DCDC1: variants seen among roughly 807,000 people sequenced by gnomAD.
DCDC1 encodes the protein doublecortin domain containing 1, also known as doublecortin domain-containing protein 1.
DCDC1 carries 200 observed loss-of-function variants against 178.3 expected under a neutral mutation model. That is an observed-to-expected ratio of 1.12 (90% CI 1.00 to 1.26). The LOEUF (loss-of-function observed/expected upper bound fraction) is 1.26. Among genes scored for constraint, DCDC1 ranks in the 50% most tolerant of loss-of-function variants. The pLI is 0.00. For missense variants in DCDC1, 1,983 were observed against 1,749.2 expected, an observed-to-expected ratio of 1.13 and a Z score of -2.38; for synonymous variants, 690 against 604.8, an observed-to-expected ratio of 1.14 and a Z score of -2.07.
chr11:31,277,316 C>G (rs1233610365), intron 7 of DCDC1, among the ~76,000 whole-genome samples: 1 of 151,982 alleles, frequency 6.6e-6, no homozygotes, highest in African/African-American at 2.4e-5. Context: ...AATGTTTTAT[C>G]CATTCACAGG....
chr11:31,114,495 T>C (rs767535942), intron 11 of DCDC1, among the ~76,000 whole-genome samples: 41 of 152,198 alleles, frequency 2.7e-4, no homozygotes, highest in Non-Finnish European at 2.6e-4. Context: ...CTGGTCATCA[T>C]ATGAAATGGG....
At chr11:31,034,143 C>A (rs200696686) in intron 20 of DCDC1, among the ~76,000 whole-genome samples, 3,313 of 100,906 alleles carry the variant, frequency 0.033, no homozygotes, top group East Asian at 0.037. Flanking sequence ...GGCTCTGTCT[C>A]AAAAAAAAAA....
intron 1 of DCDC1, among the ~76,000 whole-genome samples, chr11:31,355,054 G>A (rs1294933862): frequency 6.6e-6 from 1 of 152,002 alleles, no homozygotes; most frequent in African/African-American, 2.4e-5. Flanking sequence ...GAAATTTTGA[G>A]GGAACAAGGA....
intron 20 of DCDC1, among the ~76,000 whole-genome samples, chr11:30,979,402 G>C (rs1950270260): frequency 6.6e-6 from 1 of 152,146 alleles, no homozygotes; most frequent in African/African-American, 2.4e-5. Context: ...TTTACTAGTT[G>C]CATAAATCTT....
At chr11:30,865,418 A>G (rs1180960546) in intron 38 of DCDC1, 86 bp from the exon 39 acceptor site, 3 of 152,836 alleles carry the variant, frequency 2.0e-5, no homozygotes, top group Non-Finnish European at 4.4e-5. Flanking sequence ...ATACACACAT[A>G]GTATATATGA....
chr11:30,921,720 T>A (rs1946258982), intron 24 of DCDC1, among the ~76,000 whole-genome samples: 1 of 152,154 alleles, frequency 6.6e-6, no homozygotes, highest in Non-Finnish European at 1.5e-5. Flanking sequence ...ACTTTGGGTA[T>A]CTTAGTTAAA....
At chr11:31,253,126 G>T (rs1358859209) in intron 8 of DCDC1, among the ~76,000 whole-genome samples, 3 of 152,052 alleles carry the variant, frequency 2.0e-5, no homozygotes. Flanking sequence ...TTAAGCATGA[G>T]AACTACCAAC....
intron 20 of DCDC1, among the ~76,000 whole-genome samples, chr11:30,975,068 A>G (rs895061362): frequency 6.6e-6 from 1 of 152,154 alleles, no homozygotes; most frequent in Non-Finnish European, 1.5e-5. Flanking sequence ...ATGGTTCAAC[A>G]TGCACAAATC....
At chr11:30,999,046 C>T (rs949123764) in intron 20 of DCDC1, among the ~76,000 whole-genome samples, 7 of 152,132 alleles carry the variant, frequency 4.6e-5, no homozygotes, top group African/African-American at 1.4e-4. Flanking sequence ...TTTCCAAATC[C>T]CAATTCAGGA....
At chr11:31,105,988 G>T (rs1203954402) in intron 13 of DCDC1, among the ~76,000 whole-genome samples, 1 of 152,164 alleles carries the variant, frequency 6.6e-6, no homozygotes, top group Non-Finnish European at 1.5e-5. Context: ...GTGTGTTTAA[G>T]TTTCCTGACA....
chr11:31,339,798 T>C (rs912628505), intron 1 of DCDC1, among the ~76,000 whole-genome samples: 2 of 152,222 alleles, frequency 1.3e-5, no homozygotes, highest in Non-Finnish European at 2.9e-5. Flanking sequence ...AAATTTTCAA[T>C]GTTAATTCTT....
intron 20 of DCDC1, among the ~76,000 whole-genome samples, chr11:31,053,333 T>C (rs923478368): frequency 2.6e-5 from 4 of 152,046 alleles, no homozygotes; most frequent in Non-Finnish European, 5.9e-5. Context: ...ATTGAAATGG[T>C]AATTTAAAAA....
intron 38 of DCDC1, among the ~76,000 whole-genome samples, chr11:30,874,104 C>T (rs1380357282): frequency 1.3e-5 from 2 of 152,136 alleles, no homozygotes; most frequent in Non-Finnish European, 2.9e-5. Context: ...TCTTCATAGC[C>T]CCTGAATACA....
At chr11:30,948,575 G>A (rs1015186315) in intron 21 of DCDC1, among the ~76,000 whole-genome samples, 12 of 152,102 alleles carry the variant, frequency 7.9e-5, no homozygotes, top group East Asian at 1.9e-4. Flanking sequence ...GAACAAAGCT[G>A]GAGGCATCAT....
chr11:30,921,398 T>C (rs956414973), intron 24 of DCDC1, among the ~76,000 whole-genome samples: 4 of 152,198 alleles, frequency 2.6e-5, no homozygotes, highest in Admixed American at 6.5e-5. Flanking sequence ...TTTGTCCTGG[T>C]TCCTGGAGAA....
chr11:31,250,666 T>C (rs1255303717), intron 8 of DCDC1, among the ~76,000 whole-genome samples: 1 of 151,746 alleles, frequency 6.6e-6, no homozygotes, highest in Admixed American at 6.6e-5. Flanking sequence ...CTAGGCATTT[T>C]TAGAGCACCC....
At chr11:31,351,602 A>G (rs548295514) in intron 1 of DCDC1, among the ~76,000 whole-genome samples, 3 of 152,264 alleles carry the variant, frequency 2.0e-5, no homozygotes, top group African/African-American at 7.2e-5. Context: ...AATTTTCCAA[A>G]TTGAAGGCAG....
chr11:31,045,705 G>A (rs184274108), intron 20 of DCDC1, among the ~76,000 whole-genome samples: 8 of 151,830 alleles, frequency 5.3e-5, no homozygotes, highest in East Asian at 3.9e-4. Context: ...CAGGAGTATC[G>A]AACCCGCCTA....
intron 20 of DCDC1, among the ~76,000 whole-genome samples, chr11:31,031,957 T>C (rs1415978716): frequency 6.6e-6 from 1 of 152,192 alleles, no homozygotes; most frequent in African/African-American, 2.4e-5. Flanking sequence ...CTGTAAATAA[T>C]ATTTTTCTAA....
Sources: allele counts gnomAD v4.1 joint callset (sites outside exome capture counted in the v4.1 genomes callset), GRCh38; gene constraint gnomAD v4.1.1; transcripts MANE v1.5; gene names NCBI Gene and HGNC (gene_info 2026-07-23, HGNC 2026-07-21).